Variants in EPM2A observed in about 807,000 individuals in gnomAD.
EPM2A encodes EPM2A glucan phosphatase, laforin.
Under a neutral mutation model 26.5 loss-of-function variants are expected in EPM2A, and 21 were observed. The ratio of observed to expected loss-of-function variants is 0.79; its 90% CI spans 0.56 to 1.14. The LOEUF (loss-of-function observed/expected upper bound fraction) is 1.14, where lower values mean the gene tolerates loss of function less well. EPM2A is among the 50% of genes most tolerant of loss of function. The probability of loss-of-function intolerance (pLI) is 0.00; values close to 1 mark genes in which losing one functional copy is unlikely to be tolerated. For missense variants in EPM2A, 458 were observed against 440.8 expected (o/e 1.04, Z -0.35); for synonymous variants, 217 against 177.6 (o/e 1.22, Z -1.76).
At chr6:145,619,712 T>TA (rs1002048528) in intron 2 of EPM2A, among the ~76,000 whole-genome samples, 13 of 149,942 alleles carry the variant, frequency 8.7e-5, no homozygotes, top group Non-Finnish European at 1.3e-4. Flanking sequence ...TCCTCACAAT[T>TA]AAAAAAAAAA....
intron 4 of EPM2A, among the ~76,000 whole-genome samples, chr6:145,438,569 G>A (rs1779019424): frequency 6.7e-6 from 1 of 150,230 alleles, no homozygotes; most frequent in Non-Finnish European, 1.5e-5. Context: ...TGCCTCTGGA[G>A]CTCAAGTGAT....
intron 4 of EPM2A, among the ~76,000 whole-genome samples, chr6:145,486,968 G>T (rs1779686069): frequency 6.6e-6 from 1 of 151,856 alleles, no homozygotes; most frequent in Non-Finnish European, 1.5e-5. Flanking sequence ...GTATCCATTA[G>T]TTGCTTTTTA....
chr6:145,423,861 G>A lies in EPM2A; in HGVS notation c.556-39764C>T, dbSNP rs576330750. Among the ~76,000 whole-genome samples the A allele has an allele frequency of 5.3e-5, 8 of 152,320 alleles. No individual in the cohort carries two copies. In the South Asian group the frequency reaches 1.7e-3, roughly 32 times the overall value. ...AATAAACAGCTAGGGAAATTTCCAGGAAGATTCAGGCATTAGTATTACTTA... is the reference window on the plus strand; with the variant it reads ...AATAAACAGCTAGGGAAATTTCCAGAAAGATTCAGGCATTAGTATTACTTA... On this transcript the variant is annotated intron_variant, in intron 4 of 4. Transcript: ENST00000638717.
At chr6:145,612,747 T>C (rs1582896610) in intron 2 of EPM2A, among the ~76,000 whole-genome samples, 1 of 148,072 alleles carries the variant, frequency 6.8e-6, no homozygotes, top group South Asian at 2.1e-4. Context: ...TATATATAGG[T>C]ATATATGTAT....
chr6:145,532,446 G>T (rs1057099216), intron 2 of EPM2A, among the ~76,000 whole-genome samples: 9 of 152,152 alleles, frequency 5.9e-5, no homozygotes, highest in African/African-American at 2.2e-4. Flanking sequence ...TTACTCATGT[G>T]GTCCTAAAAC....
At chr6:145,467,059 G>A (rs1187872821) in intron 4 of EPM2A, among the ~76,000 whole-genome samples, 1 of 151,934 alleles carries the variant, frequency 6.6e-6, no homozygotes, top group African/African-American at 2.4e-5. Context: ...CGAGTTAGTG[G>A]GTGCAGCGCA....
intron 2 of EPM2A, among the ~76,000 whole-genome samples, chr6:145,667,023 T>A (rs1384011484): frequency 3.1e-5 from 4 of 128,518 alleles, no homozygotes; most frequent in Non-Finnish European, 6.3e-5. Context: ...TCAAGATGGA[T>A]TAAAGATTTA....
At chr6:145,659,120 A>G (rs1778500788) in intron 2 of EPM2A, among the ~76,000 whole-genome samples, 1 of 152,190 alleles carries the variant, frequency 6.6e-6, no homozygotes, top group Admixed American at 6.6e-5. Context: ...AAAATTTACC[A>G]TAAAATTTTC....
At chr6:145,619,172 T>G (rs1425320473) in intron 2 of EPM2A, among the ~76,000 whole-genome samples, 1 of 151,474 alleles carries the variant, frequency 6.6e-6, no homozygotes, top group African/African-American at 2.4e-5. Flanking sequence ...AAAAAAAAAA[T>G]TGGGGAATAT....
intron 4 of EPM2A, chr6:145,491,327 A>C: frequency 3.0e-6 from 1 of 338,146 alleles, no homozygotes; most frequent in Non-Finnish European, 5.7e-6. Flanking sequence ...GGGAGCATGC[A>C]GGTGAGCGGG....
chr6:145,626,596 A>G lies in EPM2A; in HGVS notation c.*820T>C. On this transcript the variant is annotated 3_prime_UTR_variant, in exon 4 of 4. Coordinates refer to ENST00000367519, the MANE Select transcript of EPM2A (RefSeq NM_005670.4). ...AAATGCACTACATGATGCTGGGAAAACAAGTTGTGATGAAAACAGTGCTGA... is the reference window on the plus strand; with the variant it reads ...AAATGCACTACATGATGCTGGGAAAGCAAGTTGTGATGAAAACAGTGCTGA... 1.0e-6 allele frequency: 1 copy of G among 985,640 alleles called. No homozygotes were observed. Among genetic ancestry groups the G allele is most frequent in the African/African-American group, 1.7e-5 (1 of 57,364 alleles). The allele number at this position is 985,640 out of a possible 1,614,324, so 61.1% of individuals were successfully genotyped here. A position where few individuals can be genotyped will look rare whatever the true frequency, so the allele number is the denominator to read the frequency against.
At chr6:145,649,171 C>T (rs929202794) in intron 2 of EPM2A, among the ~76,000 whole-genome samples, 2 of 152,250 alleles carry the variant, frequency 1.3e-5, no homozygotes, top group African/African-American at 2.4e-5. Context: ...TCATAGATTT[C>T]GAGATGTGAC....
intron 1 of EPM2A, among the ~76,000 whole-genome samples, chr6:145,731,076 A>G (rs1382309680): frequency 8.1e-6 from 1 of 124,036 alleles, no homozygotes; most frequent in Non-Finnish European, 1.6e-5. Context: ...ACCTAGAGGT[A>G]AAAAAAAAAA....
chr6:145,532,144 CA>C (rs1306017146), intron 2 of EPM2A, among the ~76,000 whole-genome samples: 5 of 152,166 alleles, frequency 3.3e-5, no homozygotes, highest in Non-Finnish European at 5.9e-5. Flanking sequence ...GGAATAAGAA[CA>C]ATGACTGCCT....
chr6:145,680,838 G>A (rs1395712443), intron 2 of EPM2A, among the ~76,000 whole-genome samples: 1 of 152,202 alleles, frequency 6.6e-6, no homozygotes, highest in East Asian at 1.9e-4. Flanking sequence ...TGTGAATAGT[G>A]CCGCTATAAA....
chr6:145,600,228 T>C (rs777720137), intron 2 of EPM2A, among the ~76,000 whole-genome samples: 54 of 152,328 alleles, frequency 3.5e-4, no homozygotes, highest in Non-Finnish European at 5.3e-4. Flanking sequence ...TGTGATATCA[T>C]CTTCTCTGTA....
chr6:145,707,655 T>G (rs1782298893), intron 1 of EPM2A, among the ~76,000 whole-genome samples: 1 of 152,178 alleles, frequency 6.6e-6, no homozygotes, highest in Non-Finnish European at 1.5e-5. Context: ...ATTTTGCCCT[T>G]CTTTTGCCTT....
At chr6:145,410,393 T>A (rs1330325351) in intron 4 of EPM2A, among the ~76,000 whole-genome samples, 1 of 152,110 alleles carries the variant, frequency 6.6e-6, no homozygotes, top group Non-Finnish European at 1.5e-5. Context: ...GAGGGCAAAT[T>A]GGAGCCCTAT....
Position 145,545,977 on chromosome 6 carries a change from T to G in EPM2A, c.341-43402A>C, listed in dbSNP as rs375439232. On this transcript the variant is annotated intron_variant, in intron 2 of 3. Transcript: ENST00000450221. Reference sequence around the variant, plus strand: ...TCTCTGAATGCCTTCTAATTCTCCCTTATTGCTCTTATCACATGTGCTAGT... The same window carrying G: ...TCTCTGAATGCCTTCTAATTCTCCCGTATTGCTCTTATCACATGTGCTAGT... Among the ~76,000 whole-genome samples, 5 of 152,292 alleles carry G rather than the reference T, an allele frequency of 3.3e-5. No individual in the cohort carries two copies. In the East Asian group the frequency reaches 9.7e-4, roughly 29 times the overall value.
Sources: gnomAD v4.1 joint callset for allele counts (sites outside exome capture counted in the v4.1 genomes callset) on GRCh38, gnomAD v4.1.1 for gene constraint, MANE v1.5 for transcripts, NCBI Gene and HGNC (gene_info 2026-07-23, HGNC 2026-07-21) for gene names.